The following DNAH14 variants were observed in gnomAD, a reference collection of about 807,000 sequenced individuals.
The protein encoded by DNAH14 is axonemal beta dynein heavy chain 14.
DNAH14 carries 478 observed loss-of-function variants against 520.9 expected under a neutral mutation model. That is an observed-to-expected ratio of 0.92 (90% CI 0.85 to 0.99). DNAH14 has a LOEUF of 0.99. DNAH14 is among the 50% of genes least tolerant of loss of function. The pLI, the probability that DNAH14 is intolerant of heterozygous loss-of-function variation, is 0.00. For synonymous variants in DNAH14, 1,581 were observed against 1,757.2 expected, an observed-to-expected ratio of 0.90 and a Z score of 2.51; for missense variants, 4,831 against 5,234.5, an observed-to-expected ratio of 0.92 and a Z score of 2.38.
At chr1:225,340,331 C>T (rs913732786) in intron 68 of DNAH14, 126 bp from the exon 69 acceptor site, 2 of 1,015,126 alleles carry the variant, frequency 2.0e-6, no homozygotes, top group Non-Finnish European at 2.8e-6. Context: ...ACTTTGTATA[C>T]AAAGCTGAAA....
chr1:225,316,471 C>T (rs1204541395), intron 60 of DNAH14, among the ~76,000 whole-genome samples: 2 of 152,186 alleles, frequency 1.3e-5, no homozygotes, highest in Non-Finnish European at 2.9e-5. Context: ...AAATCCAGGG[C>T]TCTTGTGGTG....
Position 225,240,637 on chromosome 1 carries a change from C to CA in DNAH14, c.6568dup (p.Ile2190AsnfsTer21), listed in dbSNP as rs546370391. ...CCAGAGAAAAATCCTGATAAATTAA[C>CA]AAAAATTATTCAAAAGCTTTTTGTG... is the stretch of plus-strand genomic sequence containing the variant. On this transcript the variant is annotated frameshift_variant, in exon 43 of 86. Coordinates refer to ENST00000682510, the MANE Select transcript of DNAH14 (RefSeq NM_001367479.1). LOFTEE classifies it high-confidence loss of function. 514 of 1,550,480 alleles carry CA rather than the reference C, an allele frequency of 3.3e-4. 2 individuals carry two copies. The African/African-American group carries it at 5.7e-3, about 17-fold the overall frequency.
intron 63 of DNAH14, 117 bp from the exon 64 acceptor site, chr1:225,324,620 T>C: frequency 9.6e-7 from 1 of 1,040,488 alleles, no homozygotes; most frequent in Non-Finnish European, 1.4e-6. Context: ...ATACATATAG[T>C]TCTAGGAAAG....
At chr1:225,378,046 T>G (rs946124338) in intron 79 of DNAH14, among the ~76,000 whole-genome samples, 6 of 152,092 alleles carry the variant, frequency 3.9e-5, no homozygotes, top group Admixed American at 6.6e-5. Flanking sequence ...AGTTTCTCAA[T>G]TATCTCTTTT....
intron 10 of DNAH14, among the ~76,000 whole-genome samples, chr1:225,015,534 C>T (rs1027286045): frequency 6.6e-6 from 1 of 152,108 alleles, no homozygotes; most frequent in Non-Finnish European, 1.5e-5. Flanking sequence ...CTTTAAGACT[C>T]TCCTGAGTAT....
rs1173066318 is a variant in DNAH14 at position 225,117,895 on chromosome 1, A to C, written c.3987A>C (p.Lys1329Asn). Reference sequence around the variant, plus strand: ...CTGGTTCACAGCCTCATCTTGTGAAATGCTTTGAAAATATAAAACAATTAT... The same window carrying C: ...CTGGTTCACAGCCTCATCTTGTGAACTGCTTTGAAAATATAAAACAATTAT... ...NPESVQPHLV[K>N]CFENIKQLLI... Residue 1329 changes from lysine to asparagine, a missense_variant, in exon 25 of 86, where the codon AAA (lysine) becomes AAC (asparagine). Transcript: ENST00000682510. 9 of 1,548,436 alleles carry C rather than the reference A, an allele frequency of 5.8e-6. No homozygotes were observed. The highest frequency in any genetic ancestry group is 6.1e-6 in the Non-Finnish European group (7 of 1,144,558).
intron 60 of DNAH14, among the ~76,000 whole-genome samples, chr1:225,316,047 G>T (rs2150162295): frequency 6.6e-6 from 1 of 152,348 alleles, no homozygotes; most frequent in African/African-American, 2.4e-5. Flanking sequence ...GAGATGCCCT[G>T]CCCAGACAGG....
At chr1:225,097,433 C>T (rs560685786) in intron 22 of DNAH14, among the ~76,000 whole-genome samples, 194 bp downstream of exon 22, 12 of 152,092 alleles carry the variant, frequency 7.9e-5, no homozygotes, top group Non-Finnish European at 1.5e-4. Context: ...AGCCTTATTA[C>T]TTGACTATTG....
intron 32 of DNAH14, among the ~76,000 whole-genome samples, chr1:225,152,349 G>A (rs1402997876): frequency 6.6e-6 from 1 of 152,154 alleles, no homozygotes; most frequent in Non-Finnish European, 1.5e-5. Context: ...TCACAAAGAG[G>A]ACCCAGGCAG....
chr1:225,085,447 G>T (rs2073649127), intron 20 of DNAH14, 97 bp from the exon 21 acceptor site: 2 of 1,107,364 alleles, frequency 1.8e-6, no homozygotes, highest in Admixed American at 2.8e-5. Flanking sequence ...CAATATTTTT[G>T]ATGTGCCTTT....
rs1270468637 is a variant in DNAH14, at chr1:225,398,535, C to G, written c.13507C>G (p.His4503Asp). The change falls in exon 85 of 86, where the codon CAC becomes GAC. Residue 4503 changes from histidine (H) to aspartate (D), a missense_variant. Coordinates refer to ENST00000682510, the MANE Select transcript of DNAH14 (RefSeq NM_001367479.1). ...RRAFKGSASS[H>D]TGVYIFGLFI... ...TCCATCTTAGGGCTCAGCTTCCTCTCACACTGGAGTTTACATTTTTGGTTT... is the reference window on the plus strand; with the variant it reads ...TCCATCTTAGGGCTCAGCTTCCTCTGACACTGGAGTTTACATTTTTGGTTT... The G allele has an allele frequency of 2.6e-6, 4 of 1,551,750 alleles. No individual in the cohort carries two copies. Among genetic ancestry groups the G allele is most frequent in the Non-Finnish European group, 3.5e-6 (4 of 1,146,984 alleles).
chr1:225,189,414 CTT>C (rs80207047), intron 37 of DNAH14, among the ~76,000 whole-genome samples: 1 of 110,736 alleles, frequency 9.0e-6, no homozygotes. Flanking sequence ...TCTTTCTTTT[CTT>C]TTTTTTTTTT....
chr1:225,140,736 G>C, intron 27 of DNAH14, 32 bp from the exon 28 acceptor site: 1 of 1,348,242 alleles, frequency 7.4e-7, no homozygotes, highest in Non-Finnish European at 1.0e-6. Flanking sequence ...TATAGAGAGA[G>C]ATATATATAT....
chr1:225,338,303 G>A (rs545532677), intron 68 of DNAH14, 121 bp downstream of exon 68: 3 of 1,271,068 alleles, frequency 2.4e-6, no homozygotes, highest in South Asian at 1.3e-5. Flanking sequence ...ATTGTCTTTG[G>A]AATATTCTTT....
At chr1:225,258,265 T>A in intron 45 of DNAH14, 147 bp downstream of exon 45, 1 of 743,742 alleles carries the variant, frequency 1.3e-6, no homozygotes, top group Non-Finnish European at 2.0e-6. Flanking sequence ...TTACCAGCAG[T>A]TTATGAACAC....
chr1:225,209,612 A>G (rs2088069515), intron 41 of DNAH14, among the ~76,000 whole-genome samples: 1 of 152,236 alleles, frequency 6.6e-6, no homozygotes, highest in Admixed American at 6.5e-5. Context: ...GATAAAGACA[A>G]CAATAACAAG....
At chr1:225,201,628 ATC>A (rs2086835354) in intron 38 of DNAH14, among the ~76,000 whole-genome samples, 1 of 152,004 alleles carries the variant, frequency 6.6e-6, no homozygotes, top group Non-Finnish European at 1.5e-5. Context: ...AGAGATTGTT[ATC>A]TCTTTTCTGA....
At position 225,322,775 on chromosome 1, in the gene DNAH14, T is replaced by G. The variant is rs766888961; in HGVS notation, c.9447T>G (p.Gly3149=). Residue 3149 remains glycine, a synonymous_variant, in exon 62 of 86, where the codon GGT becomes GGG. Transcript: ENST00000682510. Reference sequence around the variant, plus strand: ...CAAAGTTACTTCTTTCAGAAACTGGTTTCCTGAAAAAATTGATTAACCTTG... The same window carrying G: ...CAAAGTTACTTCTTTCAGAAACTGGGTTCCTGAAAAAATTGATTAACCTTG... The part of the protein sequence containing the change: ...ATAKLLLSET[G]FLKKLINLDK... 6.4e-7 allele frequency: 1 copy of G among 1,551,862 alleles called. No individual in the cohort carries two copies. Among genetic ancestry groups the G allele is most frequent in the Non-Finnish European group, 8.7e-7 (1 of 1,146,988 alleles).
chr1:225,056,998 T>A (rs977914770), intron 17 of DNAH14, among the ~76,000 whole-genome samples: 1 of 152,238 alleles, frequency 6.6e-6, no homozygotes, highest in Non-Finnish European at 1.5e-5. Context: ...GACTTAGGAT[T>A]GACTTGTCAA....
Sources: gnomAD v4.1 joint callset for allele counts (sites outside exome capture counted in the v4.1 genomes callset) on GRCh38, gnomAD v4.1.1 for gene constraint, MANE v1.5 for transcripts, NCBI Gene and HGNC (gene_info 2026-07-23, HGNC 2026-07-21) for gene names.